BIVM: variants seen among roughly 807,000 people sequenced by gnomAD.
BIVM encodes basic immunoglobulin-like variable motif-containing protein.
In BIVM, 31 loss-of-function variants were observed where a neutral mutation model predicts 61.4. The observed-to-expected ratio is 0.51, with a 90% CI of 0.38 to 0.68. BIVM has a LOEUF of 0.68. Ranked by LOEUF, BIVM falls within the 30% of genes least tolerant of loss-of-function variation. The pLI, the probability that BIVM is intolerant of heterozygous loss-of-function variation, is 0.00. For synonymous variants in BIVM, 189 were observed against 210.7 expected, an observed-to-expected ratio of 0.90 and a Z score of 0.89; for missense variants, 526 against 596.0, an observed-to-expected ratio of 0.88 and a Z score of 1.22.
chr13:102,802,543 T>G (rs1220628179), intron 1 of BIVM, among the ~76,000 whole-genome samples: 2 of 152,194 alleles, frequency 1.3e-5, no homozygotes, highest in Admixed American at 6.5e-5. Flanking sequence ...AAAGAGAAAT[T>G]TACATATAGT....
chr13:102,801,251 T>G (rs375177721), intron 1 of BIVM, among the ~76,000 whole-genome samples: 1 of 146,234 alleles, frequency 6.8e-6, no homozygotes, highest in Non-Finnish European at 1.5e-5. Context: ...GTAAATTTTT[T>G]TTTTTTTTTT....
chr13:102,811,422 A>G (rs1484709470), intron 3 of BIVM, among the ~76,000 whole-genome samples: 1 of 152,202 alleles, frequency 6.6e-6, no homozygotes, highest in Non-Finnish European at 1.5e-5. Context: ...TGGCTTCCAA[A>G]GTTTCTGATG....
rs146609112 is a variant in BIVM, at chr13:102,835,204, C to A, written c.1121+652C>A. On this transcript the variant is annotated intron_variant, in intron 9 of 10. Coordinates refer to ENST00000257336, the MANE Select transcript of BIVM (RefSeq NM_017693.4). ...GGCCAACCTGGGCAACATAGTGAGA[C>A]CCTGTCTCTACAAAAAAATTAAAAA... Among the ~76,000 whole-genome samples the A allele has an allele frequency of 2.7e-3, 410 of 152,040 alleles. 3 individuals are homozygous for A. The highest frequency in any genetic ancestry group is 0.017 in the East Asian group (90 of 5,164).
In BIVM at chr13:102,807,139, C is replaced by A; in HGVS notation, c.-122-7C>A. On this transcript the variant is annotated splice_polypyrimidine_tract_variant and splice_region_variant and intron_variant, in intron 2 of 10. Coordinates refer to ENST00000257336, the MANE Select transcript of BIVM (RefSeq NM_017693.4). This position sits in a 1 kb window ranked among gnomAD's most constrained non-coding sequence, Gnocchi z 4.0. ...GATTGTTGATCATTCTTTTTCCTTC[C>A]TCTTAGGAGCTCATTTTGCAGCTCT... 2.1e-6 allele frequency: 2 copies of A among 957,400 alleles called. No individual in the cohort carries two copies. The highest frequency in any genetic ancestry group is 3.0e-6 in the Non-Finnish European group (2 of 664,608). The allele number at this position is 957,400 out of a possible 1,614,324, so 59.3% of individuals were successfully genotyped here. A position where few individuals can be genotyped will look rare whatever the true frequency, so the allele number is the denominator to read the frequency against.
At chr13:102,808,903 T>G (rs1879290946) in intron 3 of BIVM, among the ~76,000 whole-genome samples, 2 of 152,188 alleles carry the variant, frequency 1.3e-5, no homozygotes, top group Non-Finnish European at 2.9e-5. Context: ...ATCCTAATAC[T>G]GGTAATTAAT....
intron 3 of BIVM, among the ~76,000 whole-genome samples, chr13:102,815,237 T>A (rs1241398218): frequency 6.6e-6 from 1 of 152,166 alleles, no homozygotes; most frequent in Admixed American, 6.5e-5. Flanking sequence ...AAAACTGATC[T>A]CTTTCCATGT....
rs750065004 is a variant in BIVM at position 102,838,699 on chromosome 13, G to C, written c.1178G>C (p.Arg393Pro). The C allele has an allele frequency of 1.2e-6, 2 of 1,613,284 alleles. No homozygotes were observed. The highest frequency in any genetic ancestry group is 1.7e-6 in the Non-Finnish European group (2 of 1,179,522). Residue 393 changes from arginine (R) to proline (P), a missense_variant, in exon 10 of 11, where the codon CGG becomes CCG. Arg to Pro is a moderately radical substitution (Grantham distance 103, BLOSUM62 -2). Transcript: ENST00000257336. ...NTQNPEYLDI[R>P]HLERGLQYRK... Reference sequence around the variant, plus strand: ...CAAAATCCAGAATACCTGGATATCCGGCACTTAGAGAGGGGACTGCAGTAT... The same window carrying C: ...CAAAATCCAGAATACCTGGATATCCCGCACTTAGAGAGGGGACTGCAGTAT...
At position 102,822,238 on chromosome 13, in the gene BIVM, C is replaced by T. The variant is rs374411150; in HGVS notation, c.901+79C>T. 3.7e-4 allele frequency: 516 copies of T among 1,379,412 alleles called. 2 individuals carry two copies. Among genetic ancestry groups the T allele is most frequent in the South Asian group, 1.1e-3 (87 of 75,656 alleles). 85.4% of individuals were successfully genotyped at this position (1,379,412 alleles called of 1,614,324 possible). Reference sequence around the variant, plus strand: ...ACATACACACACACGGTTTAGAGTTCGTCTCAAAGACTGCCTGTTTAGCTT... The same window carrying T: ...ACATACACACACACGGTTTAGAGTTTGTCTCAAAGACTGCCTGTTTAGCTT... On this transcript the variant is annotated intron_variant, in intron 7 of 10. Coordinates refer to ENST00000257336, the MANE Select transcript of BIVM (RefSeq NM_017693.4).
intron 1 of BIVM, among the ~76,000 whole-genome samples, chr13:102,803,016 T>C (rs1210832819): frequency 6.6e-6 from 1 of 152,118 alleles, no homozygotes; most frequent in Non-Finnish European, 1.5e-5. Flanking sequence ...CCTTTGCCTA[T>C]GTTTTTGATA....
At chr13:102,818,505 G>C (rs1880028315) in intron 4 of BIVM, among the ~76,000 whole-genome samples, 1 of 152,146 alleles carries the variant, frequency 6.6e-6, no homozygotes, top group Admixed American at 6.5e-5. Context: ...TAGTTTCTTT[G>C]AAAAGAAGGT....
intron 3 of BIVM, among the ~76,000 whole-genome samples, chr13:102,815,677 T>G: frequency 6.6e-6 from 1 of 152,210 alleles, no homozygotes; most frequent in Non-Finnish European, 1.5e-5. Context: ...ACTTTTGGCT[T>G]CCTTTTGTCT....
intron 4 of BIVM, among the ~76,000 whole-genome samples, chr13:102,817,638 T>G (rs1213396746): frequency 1.3e-5 from 2 of 152,164 alleles, no homozygotes; most frequent in Non-Finnish European, 2.9e-5. Context: ...CCATTGATGA[T>G]CCTTGTCTGA....
At chr13:102,808,383 A>C (rs1280614263) in intron 3 of BIVM, among the ~76,000 whole-genome samples, 3 of 152,230 alleles carry the variant, frequency 2.0e-5, no homozygotes, top group Non-Finnish European at 2.9e-5. Context: ...AGGTGAAGAA[A>C]TTGAGGCTTA....
chr13:102,820,274 C>T (rs968275819), intron 4 of BIVM: 1 of 148,304 alleles, frequency 6.7e-6, no homozygotes, highest in Non-Finnish European at 1.5e-5. Context: ...ATTGCTTGAA[C>T]ACGGGAGGTG....
chr13:102,832,544 A>T (rs1320321775), intron 8 of BIVM, among the ~76,000 whole-genome samples: 4 of 152,206 alleles, frequency 2.6e-5, no homozygotes, highest in African/African-American at 9.6e-5. Flanking sequence ...GTTGCAAAGG[A>T]TTTTATAGAC....
At chr13:102,819,965 G>A (rs773491604) in intron 4 of BIVM, among the ~76,000 whole-genome samples, 6 of 152,130 alleles carry the variant, frequency 3.9e-5, no homozygotes, top group Non-Finnish European at 7.3e-5. Context: ...ACCTTCTTTA[G>A]AAAGCAGTTA....
intron 3 of BIVM, among the ~76,000 whole-genome samples, chr13:102,814,075 G>C (rs1197124633): frequency 1.3e-5 from 2 of 152,032 alleles, no homozygotes; most frequent in African/African-American, 4.8e-5. Flanking sequence ...ATATTTGTGT[G>C]TGTATGTGTC....
At chr13:102,803,736 C>T (rs1056559115) in intron 1 of BIVM, among the ~76,000 whole-genome samples, 2 of 151,926 alleles carry the variant, frequency 1.3e-5, no homozygotes, top group African/African-American at 4.8e-5. Flanking sequence ...TCGCACAGCC[C>T]ACCCCCACGA....
intron 7 of BIVM, among the ~76,000 whole-genome samples, chr13:102,823,647 C>T (rs1407959525): frequency 6.6e-6 from 1 of 152,158 alleles, no homozygotes; most frequent in African/African-American, 2.4e-5. Context: ...AGTAAGTGAT[C>T]AGGCAACGAA....
Sources: allele counts gnomAD v4.1 joint callset (sites outside exome capture counted in the v4.1 genomes callset), GRCh38; gene constraint gnomAD v4.1.1; non-coding constraint Gnocchi (gnomAD v3.1); transcripts MANE v1.5; gene names NCBI Gene and HGNC (gene_info 2026-07-23, HGNC 2026-07-21).